Variants in RASAL2 observed in about 807,000 individuals in gnomAD.
RASAL2 encodes RAS protein activator like 2, also known as ras GTPase-activating protein nGAP.
Under a neutral mutation model 128.9 loss-of-function variants are expected in RASAL2, and 58 were observed. The ratio of observed to expected loss-of-function variants is 0.45; its 90% confidence interval spans 0.36 to 0.56. The LOEUF (loss-of-function observed/expected upper bound fraction) is 0.56, where lower values mean the gene tolerates loss of function less well. Ranked by LOEUF, RASAL2 falls within the 20% of genes least tolerant of loss-of-function variation. The pLI, the probability that RASAL2 is intolerant of heterozygous loss-of-function variation, is 0.00. For synonymous variants in RASAL2, 561 were observed against 580.8 expected (o/e 0.97, Z 0.49); for missense variants, 1,360 against 1,601.6 (o/e 0.85, Z 2.57).
intron 1 of RASAL2, among the ~76,000 whole-genome samples, chr1:178,127,067 C>T (rs1391432994): frequency 6.6e-6 from 1 of 152,136 alleles, no homozygotes; most frequent in Non-Finnish European, 1.5e-5. Context: ...TCGCCTCAGT[C>T]ATCTTGTGAC....
At chr1:178,395,464 G>C (rs1673153906) in intron 4 of RASAL2, among the ~76,000 whole-genome samples, 1 of 152,040 alleles carries the variant, frequency 6.6e-6, no homozygotes, top group Admixed American at 6.6e-5. Context: ...TTGCCCTTCT[G>C]TGTTTGCCAC....
At chr1:178,420,900 G>A (rs1019340358) in intron 5 of RASAL2, among the ~76,000 whole-genome samples, 1 of 152,128 alleles carries the variant, frequency 6.6e-6, no homozygotes, top group Admixed American at 6.6e-5. Flanking sequence ...GGTCAGAGGT[G>A]TATCTTTTGT....
rs188590920 is a variant in RASAL2 at position 178,097,327 on chromosome 1, G to T, written c.202+2633G>T. On this transcript the variant is annotated intron_variant, in intron 1 of 17. Coordinates refer to ENST00000367649, the MANE Select transcript of RASAL2 (RefSeq NM_170692.4). ...TTTAGCTTTAAAGTTGTCTGATTCT[G>T]TGGCTTGGCCCATTATTTTACCTGC... Among the ~76,000 whole-genome samples, 8 of 152,294 alleles carry T rather than the reference G, an allele frequency of 5.3e-5. No individual in the cohort carries two copies. The East Asian group carries it at 9.7e-4, about 18-fold the overall frequency.
intron 7 of RASAL2, 91 bp downstream of exon 7, chr1:178,441,738 C>G: frequency 2.1e-6 from 2 of 952,860 alleles, no homozygotes; most frequent in Non-Finnish European, 3.2e-6. Flanking sequence ...CTTAATTTGT[C>G]TATAGCTTGA....
intron 4 of RASAL2, among the ~76,000 whole-genome samples, chr1:178,420,267 T>A (rs1238892584): frequency 6.6e-6 from 1 of 152,216 alleles, no homozygotes; most frequent in Non-Finnish European, 1.5e-5. Context: ...ATATAAACAT[T>A]AATAAATAAT....
intron 1 of RASAL2, among the ~76,000 whole-genome samples, chr1:178,155,985 A>G (rs938489657): frequency 1.3e-5 from 2 of 152,122 alleles, no homozygotes; most frequent in East Asian, 1.9e-4. Flanking sequence ...CCCAAACCTT[A>G]TATTTCTTGC....
chr1:178,249,367 C>T (rs972630613), intron 1 of RASAL2, among the ~76,000 whole-genome samples: 9 of 151,924 alleles, frequency 5.9e-5, no homozygotes, highest in South Asian at 2.1e-4. Context: ...ACGAAATTCT[C>T]GTGCTGTGTT....
At chr1:178,182,561 A>G (rs1662152191) in intron 1 of RASAL2, among the ~76,000 whole-genome samples, 1 of 152,186 alleles carries the variant, frequency 6.6e-6, no homozygotes, top group Admixed American at 6.5e-5. Context: ...TATCTATATA[A>G]GCTAAATGTA....
At position 178,418,378 on chromosome 1, in the gene RASAL2, G is replaced by A. The variant is rs186870789; in HGVS notation, c.565-2133G>A. ...ACTATTTACTATTCATTAGGTGGAA[G>A]TGAATCATAAAGACCTTCATCCTCA... On this transcript the variant is annotated intron_variant, in intron 4 of 17. Transcript: ENST00000367649. Among the ~76,000 whole-genome samples, 3 of 152,304 alleles carry A rather than the reference G, an allele frequency of 2.0e-5. No homozygotes were observed. In the East Asian group the frequency reaches 5.8e-4, roughly 29 times the overall value.
chr1:178,284,479 T>C (rs1482276283), intron 2 of RASAL2, among the ~76,000 whole-genome samples: 1 of 152,218 alleles, frequency 6.6e-6, no homozygotes, highest in Non-Finnish European at 1.5e-5. Context: ...GAGAGTAGAA[T>C]AGATCTGGCG....
At chr1:178,312,853 T>A (rs1668324916) in intron 3 of RASAL2, among the ~76,000 whole-genome samples, 1 of 152,158 alleles carries the variant, frequency 6.6e-6, no homozygotes, top group African/African-American at 2.4e-5. Flanking sequence ...AAAAAGTAGC[T>A]CAGGACAAAG....
At position 178,457,798 on chromosome 1, in the gene RASAL2, G is replaced by T. The variant is rs562561009; in HGVS notation, c.2506G>T (p.Asp836Tyr). ...SSQSMTYSEKDERESSLPNGR... is the reference protein window; with the variant it reads ...SSQSMTYSEKYERESSLPNGR... Reference sequence around the variant, plus strand: ...TCAGAGCATGACTTATTCTGAAAAGGATGAAAGGGAAAGTAGCCTTCCTAA... The same window carrying T: ...TCAGAGCATGACTTATTCTGAAAAGTATGAAAGGGAAAGTAGCCTTCCTAA... The change falls in exon 14 of 18, where the codon GAT becomes TAT. Residue 836 changes from aspartate (D) to tyrosine (Y), a missense_variant. This residue lies in a region of RASAL2 where 741 missense variants were observed against 868.6 expected (regional missense o/e 0.85). Transcript: ENST00000367649. The T allele has an allele frequency of 2.2e-4, 359 of 1,614,198 alleles. 1 individual carries two copies. The South Asian group carries it at 3.7e-3, about 17-fold the overall frequency.
intron 5 of RASAL2, among the ~76,000 whole-genome samples, chr1:178,430,296 T>A (rs1401283921): frequency 6.6e-6 from 1 of 152,136 alleles, no homozygotes; most frequent in Non-Finnish European, 1.5e-5. Flanking sequence ...GAGTTTCCTA[T>A]TCCAGATTTA....
intron 1 of RASAL2, among the ~76,000 whole-genome samples, chr1:178,183,448 CAAGAATATCCCG>C (rs1181641472): frequency 1.3e-5 from 2 of 152,182 alleles, no homozygotes; most frequent in Non-Finnish European, 2.9e-5. Context: ...GTTCCACTGC[CAAGAATATCCCG>C]AAGAATATCC....
intron 1 of RASAL2, among the ~76,000 whole-genome samples, chr1:178,217,933 A>G (rs750634322): frequency 3.3e-5 from 5 of 151,324 alleles, no homozygotes; most frequent in African/African-American, 7.4e-5. Context: ...ACTGGAGTCA[A>G]TCCCTTCAAA....
chr1:178,310,325 A>G (rs1668180761), intron 3 of RASAL2, among the ~76,000 whole-genome samples: 1 of 152,210 alleles, frequency 6.6e-6, no homozygotes, highest in South Asian at 2.1e-4. Flanking sequence ...TGACCTTACT[A>G]CCAATCTGAT....
At chr1:178,344,876 CG>C (rs1449671401) in intron 3 of RASAL2, among the ~76,000 whole-genome samples, 1 of 151,998 alleles carries the variant, frequency 6.6e-6, no homozygotes, top group Non-Finnish European at 1.5e-5. Context: ...CTCTTTTAGC[CG>C]GGGTTATTTT....
At chr1:178,447,820 AGT>A (rs1677115818) in intron 9 of RASAL2, among the ~76,000 whole-genome samples, 2 of 152,006 alleles carry the variant, frequency 1.3e-5, no homozygotes, top group African/African-American at 4.8e-5. Context: ...CAAATTTTTC[AGT>A]TTGTGGGAAG....
chr1:178,475,072 T>G lies in RASAL2; in HGVS notation c.*1833T>G, dbSNP rs1210828815. On this transcript the variant is annotated 3_prime_UTR_variant, in exon 18 of 18. Coordinates refer to ENST00000367649, the MANE Select transcript of RASAL2 (RefSeq NM_170692.4). ...AGTCCCAGGCTTGCATTCCAGCCTCTTGAGCTCTGCCCTCTCTCAGGTGGA... is the reference window on the plus strand; with the variant it reads ...AGTCCCAGGCTTGCATTCCAGCCTCGTGAGCTCTGCCCTCTCTCAGGTGGA... 1 of 152,268 alleles carries G rather than the reference T, an allele frequency of 6.6e-6. No homozygotes were observed. The highest frequency in any genetic ancestry group is 1.5e-5 in the Non-Finnish European group (1 of 68,078). The allele number at this position is 152,268 out of a possible 1,614,324, so 9.4% of individuals were successfully genotyped here.
Sources: allele counts gnomAD v4.1 joint callset (sites outside exome capture counted in the v4.1 genomes callset), GRCh38; gene constraint gnomAD v4.1.1; regional missense constraint gnomAD v4.1.1; transcripts MANE v1.5; gene names NCBI Gene and HGNC (gene_info 2026-07-23, HGNC 2026-07-21).